MAPKAP1: variants seen among roughly 807,000 people sequenced by gnomAD.
MAPKAP1 encodes the protein target of rapamycin complex 2 subunit MAPKAP1.
A neutral mutation model predicts 65.7 loss-of-function variants in MAPKAP1; 20 were observed. That is an observed-to-expected ratio of 0.30 (90% confidence interval 0.21 to 0.44). The LOEUF is 0.44. Ranked by LOEUF, MAPKAP1 falls within the 20% of genes least tolerant of loss-of-function variation. The pLI is 1.00. For missense variants in MAPKAP1, 423 were observed against 648.0 expected, an observed-to-expected ratio of 0.65 and a Z score of 3.77; for synonymous variants, 222 against 244.3, an observed-to-expected ratio of 0.91 and a Z score of 0.85.
intron 10 of MAPKAP1, among the ~76,000 whole-genome samples, chr9:125,453,547 A>T (rs746753812): frequency 5.9e-5 from 9 of 152,274 alleles, no homozygotes; most frequent in Non-Finnish European, 1.2e-4. Flanking sequence ...CTTTGTAAAT[A>T]TTCCTCTTTG....
At chr9:125,484,400 T>G (rs1200988325) in intron 9 of MAPKAP1, 43 bp downstream of exon 9, 1 of 1,570,800 alleles carries the variant, frequency 6.4e-7, no homozygotes, top group South Asian at 1.2e-5. Context: ...CTACACCGAC[T>G]GCTGACACGA....
intron 5 of MAPKAP1, among the ~76,000 whole-genome samples, chr9:125,584,097 C>T (rs148777262): frequency 4.6e-5 from 7 of 152,160 alleles, no homozygotes; most frequent in Non-Finnish European, 5.9e-5. Flanking sequence ...CAGACAACAT[C>T]GATAAAGTCA....
chr9:125,693,846 T>TACACACACACACACACACACACACAC (rs1554844769), intron 1 of MAPKAP1, among the ~76,000 whole-genome samples: 6 of 135,446 alleles, frequency 4.4e-5, no homozygotes, highest in African/African-American at 1.6e-4. Context: ...TATACACACA[T>TACACACACACACACACACACACACAC]ACACACACAC....
chr9:125,455,593 T>C (rs751766343), intron 10 of MAPKAP1, among the ~76,000 whole-genome samples: 1 of 151,804 alleles, frequency 6.6e-6, no homozygotes, highest in Non-Finnish European at 1.5e-5. Context: ...ATAAGAAGTG[T>C]AGTTTTTTTT....
intron 4 of MAPKAP1, among the ~76,000 whole-genome samples, chr9:125,613,157 C>T (rs1199404391): frequency 6.6e-6 from 1 of 152,164 alleles, no homozygotes; most frequent in Admixed American, 6.5e-5. Flanking sequence ...ATTATACTAA[C>T]CCTCTTTGTA....
intron 6 of MAPKAP1, among the ~76,000 whole-genome samples, chr9:125,550,425 GAC>G (rs1830553161): frequency 6.6e-6 from 1 of 152,126 alleles, no homozygotes; most frequent in Non-Finnish European, 1.5e-5. Flanking sequence ...CGACTTTGAA[GAC>G]ACATATTAAC....
intron 7 of MAPKAP1, among the ~76,000 whole-genome samples, chr9:125,508,713 G>C (rs1313950436): frequency 1.3e-5 from 2 of 152,056 alleles, no homozygotes; most frequent in African/African-American, 4.8e-5. Context: ...AAATTAGCTG[G>C]GTGTGGTGGT....
chr9:125,547,490 A>G (rs953697213), intron 6 of MAPKAP1, among the ~76,000 whole-genome samples: 1 of 152,250 alleles, frequency 6.6e-6, no homozygotes, highest in Non-Finnish European at 1.5e-5. Context: ...TGTCACAAGC[A>G]TGAAACAGAC....
chr9:125,679,978 T>C (rs1285615904), intron 1 of MAPKAP1, among the ~76,000 whole-genome samples: 1 of 152,218 alleles, frequency 6.6e-6, no homozygotes, highest in Non-Finnish European at 1.5e-5. Flanking sequence ...TAATTGTGTA[T>C]TTATAAGACT....
intron 9 of MAPKAP1, among the ~76,000 whole-genome samples, chr9:125,482,779 G>A (rs951276305): frequency 1.3e-5 from 2 of 152,084 alleles, no homozygotes; most frequent in African/African-American, 4.8e-5. Context: ...TTAATGCAGA[G>A]GGGAAAAAAA....
chr9:125,444,402 T>G (rs532305694), intron 11 of MAPKAP1, 99 bp downstream of exon 11: 2 of 923,200 alleles, frequency 2.2e-6, no homozygotes, highest in Non-Finnish European at 3.4e-6. Flanking sequence ...GAACCTTCTA[T>G]AGAGCTGCGG....
chr9:125,492,205 C>T (rs368980196), intron 8 of MAPKAP1, among the ~76,000 whole-genome samples: 3 of 152,066 alleles, frequency 2.0e-5, no homozygotes, highest in Admixed American at 6.6e-5. Context: ...GGCAATACCT[C>T]GCCTCAAAAT....
At chr9:125,583,552 T>C (rs1260859413) in intron 5 of MAPKAP1, among the ~76,000 whole-genome samples, 2 of 152,200 alleles carry the variant, frequency 1.3e-5, no homozygotes, top group Non-Finnish European at 2.9e-5. Context: ...GATAATGTAA[T>C]AGTGAAGAGA....
At chr9:125,512,123 T>C (rs1237265699) in intron 7 of MAPKAP1, among the ~76,000 whole-genome samples, 2 of 152,230 alleles carry the variant, frequency 1.3e-5, no homozygotes, top group African/African-American at 4.8e-5. Flanking sequence ...GCTTCCTCGA[T>C]CCCTTTAACC....
At chr9:125,442,128 C>CAAAA (rs71492449) in intron 11 of MAPKAP1, among the ~76,000 whole-genome samples, 847 of 38,756 alleles carry the variant, frequency 0.022, 131 homozygotes, top group African/African-American at 0.076. Flanking sequence ...GACTCTGTCT[C>CAAAA]AAAAAAAAAA....
At chr9:125,693,362 C>T (rs966370466) in intron 1 of MAPKAP1, among the ~76,000 whole-genome samples, 26 of 149,898 alleles carry the variant, frequency 1.7e-4, no homozygotes, top group African/African-American at 6.4e-4. Flanking sequence ...TGCAGTGAGC[C>T]AAGATCATGC....
At chr9:125,602,463 T>C (rs1832326084) in intron 4 of MAPKAP1, among the ~76,000 whole-genome samples, 1 of 152,094 alleles carries the variant, frequency 6.6e-6, no homozygotes, top group Non-Finnish European at 1.5e-5. Context: ...AGAAAACTTT[T>C]ATTTCTAAAA....
intron 9 of MAPKAP1, among the ~76,000 whole-genome samples, chr9:125,474,620 C>T (rs1329064581): frequency 6.6e-6 from 1 of 152,088 alleles, no homozygotes; most frequent in East Asian, 1.9e-4. Context: ...TCCTATTGTC[C>T]CAGAGGAGAC....
intron 4 of MAPKAP1, among the ~76,000 whole-genome samples, chr9:125,600,581 C>T (rs1832272517): frequency 6.6e-6 from 1 of 152,208 alleles, no homozygotes; most frequent in Non-Finnish European, 1.5e-5. Context: ...GTAATTTAAG[C>T]TGTTACTCAG....
Sources: gnomAD v4.1 joint callset for allele counts (sites outside exome capture counted in the v4.1 genomes callset) on GRCh38, gnomAD v4.1.1 for gene constraint, MANE v1.5 for transcripts, NCBI Gene and HGNC (gene_info 2026-07-23, HGNC 2026-07-21) for gene names.